The following CUL1 variants were observed in gnomAD, a reference collection of about 807,000 sequenced individuals.
The protein encoded by CUL1 is cullin 1, also known as cullin-1.
In CUL1, 24 loss-of-function variants were observed where a neutral mutation model predicts 118.0. The ratio of observed to expected loss-of-function variants is 0.20; its 90% CI spans 0.15 to 0.29. The LOEUF (loss-of-function observed/expected upper bound fraction) is 0.29, where lower values mean the gene tolerates loss of function less well. CUL1 is among the 10% of genes least tolerant of loss of function. CUL1 has a pLI of 1.00. For missense variants in CUL1, 361 were observed against 933.8 expected (o/e 0.39, Z 7.99); for synonymous variants, 332 against 340.4 (o/e 0.98, Z 0.27).
chr7:148,719,154 A>C (rs1353492403), intron 1 of CUL1, among the ~76,000 whole-genome samples: 1 of 152,136 alleles, frequency 6.6e-6, no homozygotes, highest in Non-Finnish European at 1.5e-5. Context: ...TACTAAAAAT[A>C]CAAAAAATTA....
intron 2 of CUL1, among the ~76,000 whole-genome samples, chr7:148,752,283 A>T (rs573280491): frequency 1.3e-5 from 2 of 152,316 alleles, no homozygotes; most frequent in South Asian, 4.1e-4. Flanking sequence ...ATAACCTGTA[A>T]TATTTTATTT....
chr7:148,761,789 C>T (rs1799839157), intron 7 of CUL1, among the ~76,000 whole-genome samples: 1 of 152,166 alleles, frequency 6.6e-6, no homozygotes, highest in Non-Finnish European at 1.5e-5. Flanking sequence ...AGTTTGCTGA[C>T]CCTTGACCTA....
chr7:148,719,766 T>C (rs1798340114), intron 1 of CUL1, among the ~76,000 whole-genome samples: 1 of 152,240 alleles, frequency 6.6e-6, no homozygotes. Context: ...CCCTGAACTA[T>C]TCGTTGGCAG....
chr7:148,719,772 G>C (rs762119365), intron 1 of CUL1, among the ~76,000 whole-genome samples: 6 of 152,212 alleles, frequency 3.9e-5, no homozygotes, highest in Non-Finnish European at 8.8e-5. Context: ...ACTATTCGTT[G>C]GCAGCAGTTT....
At chr7:148,698,373 G>A (rs537529267), upstream of CUL1, 2 of 152,492 alleles carry the variant, frequency 1.3e-5, no homozygotes, top group East Asian at 1.9e-4. Context: ...AGAGGCTGGT[G>A]GTGTCCCCGA....
chr7:148,778,910 G>C (rs1800516955), intron 9 of CUL1, among the ~76,000 whole-genome samples: 1 of 152,182 alleles, frequency 6.6e-6, no homozygotes, highest in Non-Finnish European at 1.5e-5. Flanking sequence ...CGAGCCTGTA[G>C]CACCCCATTA....
intron 9 of CUL1, among the ~76,000 whole-genome samples, chr7:148,771,610 G>A (rs369612726): frequency 1.3e-5 from 2 of 152,118 alleles, no homozygotes; most frequent in East Asian, 3.9e-4. Context: ...CGTGATCAAG[G>A]GCATTTGTGC....
rs1798706160 is a variant in CUL1, at chr7:148,730,063, G to A, written c.-60G>A. ...GTACTGTATATTTTCATCTAATGGA[G>A]AACTAGCTGTACTTTGAATAAGGAT... On this transcript the variant is annotated 5_prime_UTR_variant, in exon 2 of 22. Coordinates refer to ENST00000325222, the MANE Select transcript of CUL1 (RefSeq NM_003592.3). The A allele has an allele frequency of 3.9e-6, 6 of 1,554,054 alleles. No individual in the cohort carries two copies. Among genetic ancestry groups the A allele is most frequent in the Non-Finnish European group, 5.2e-6 (6 of 1,146,254 alleles).
intron 19 of CUL1, among the ~76,000 whole-genome samples, chr7:148,798,242 TCTCCTTAAATGGCTCACCA>T (rs1216192998): frequency 6.6e-6 from 1 of 152,132 alleles, no homozygotes; most frequent in Admixed American, 6.5e-5. Context: ...GGCAAATAAG[TCTCCTTAAATGGCTCACCA>T]AGAAAGTTTG....
chr7:148,790,242 T>C, intron 15 of CUL1, 68 bp from the exon 16 acceptor site: 5 of 1,548,404 alleles, frequency 3.2e-6, no homozygotes, highest in African/African-American at 1.4e-5. Context: ...CAGTGGGCTT[T>C]ACTTAGAAAC....
chr7:148,762,342 G>A (rs1799858010), intron 7 of CUL1, among the ~76,000 whole-genome samples: 1 of 152,200 alleles, frequency 6.6e-6, no homozygotes, highest in African/African-American at 2.4e-5. Context: ...AATGGGCTTA[G>A]AAGTTTGAAG....
chr7:148,722,785 A>C (rs1798436821), intron 1 of CUL1, among the ~76,000 whole-genome samples: 1 of 152,238 alleles, frequency 6.6e-6, no homozygotes. Flanking sequence ...AGTCATTTGC[A>C]GGTGGGGCCC....
intron 8 of CUL1, 22 bp downstream of exon 8, chr7:148,766,745 A>G: frequency 6.3e-7 from 1 of 1,592,254 alleles, no homozygotes; most frequent in Non-Finnish European, 8.6e-7. Flanking sequence ...GACTCATAAA[A>G]TGTAGGTATT....
chr7:148,789,566 C>T (rs568010655), intron 14 of CUL1, among the ~76,000 whole-genome samples, 184 bp from the exon 15 acceptor site: 73 of 152,200 alleles, frequency 4.8e-4, no homozygotes, highest in African/African-American at 1.7e-3. Flanking sequence ...GGCTCTTGCA[C>T]TTTTTGCTAA....
chr7:148,708,685 T>C (rs1414488850), intron 1 of CUL1, among the ~76,000 whole-genome samples: 1 of 152,266 alleles, frequency 6.6e-6, no homozygotes, highest in Non-Finnish European at 1.5e-5. Context: ...TAGCTGTGTG[T>C]ATCATGCTAA....
At chr7:148,768,228 TAGGTCATCTGTAATTC>T (rs113477809) in intron 9 of CUL1, among the ~76,000 whole-genome samples, 176 of 152,278 alleles carry the variant, frequency 1.2e-3, no homozygotes, top group African/African-American at 3.6e-3. Flanking sequence ...ATATTCCTGC[TAGGTCATCTGTAATTC>T]AGGTCATCTG....
intron 4 of CUL1, 28 bp from the exon 5 acceptor site, chr7:148,759,276 T>C (rs779030296): frequency 1.0e-5 from 16 of 1,600,118 alleles, no homozygotes; most frequent in South Asian, 4.4e-5. Flanking sequence ...GGTAAAAGTA[T>C]AGACATTTTG....
chr7:148,699,594 G>A (rs931912129), intron 1 of CUL1, among the ~76,000 whole-genome samples: 3 of 152,192 alleles, frequency 2.0e-5, no homozygotes, highest in African/African-American at 4.8e-5. Context: ...CTCGCTTTCC[G>A]GTTCCCTGCC....
intron 1 of CUL1, among the ~76,000 whole-genome samples, chr7:148,723,581 T>C (rs1332681364): frequency 6.6e-6 from 1 of 152,050 alleles, no homozygotes; most frequent in Non-Finnish European, 1.5e-5. Context: ...CTTGTTGCAG[T>C]ATTATAATTG....
Sources: gnomAD v4.1 joint callset for allele counts (sites outside exome capture counted in the v4.1 genomes callset) on GRCh38, gnomAD v4.1.1 for gene constraint, MANE v1.5 for transcripts, NCBI Gene and HGNC (gene_info 2026-07-23, HGNC 2026-07-21) for gene names.